The following EPHA7 variants were observed in gnomAD, a reference collection of about 807,000 sequenced individuals.
The protein encoded by EPHA7 is EPH receptor A7.
In EPHA7, 25 loss-of-function variants were observed where a neutral mutation model predicts 112.6. The ratio of observed to expected loss-of-function variants is 0.22; its 90% CI spans 0.16 to 0.31. EPHA7 has a LOEUF of 0.31. EPHA7 is among the 10% of genes least tolerant of loss of function. EPHA7 has a pLI of 1.00. For missense variants in EPHA7, 962 were observed against 1,212.6 expected, an observed-to-expected ratio of 0.79 and a Z score of 3.07; for synonymous variants, 437 against 406.5, an observed-to-expected ratio of 1.07 and a Z score of -0.90.
intron 5 of EPHA7, among the ~76,000 whole-genome samples, chr6:93,303,861 T>C (rs960681034): frequency 5.3e-5 from 8 of 152,126 alleles, no homozygotes; most frequent in Non-Finnish European, 1.0e-4. Flanking sequence ...CCTTTCTCCA[T>C]GAATTTTTCC....
At chr6:93,387,975 ATAGAATAG>A (rs1458057304) in intron 3 of EPHA7, among the ~76,000 whole-genome samples, 4 of 151,204 alleles carry the variant, frequency 2.6e-5, no homozygotes, top group Admixed American at 2.0e-4. Context: ...AGATAGATAG[ATAGAATAG>A]ATAGATAGAC....
chr6:93,387,923 A>G (rs948815216), intron 3 of EPHA7, among the ~76,000 whole-genome samples: 2 of 112,344 alleles, frequency 1.8e-5, no homozygotes, highest in African/African-American at 6.9e-5. Flanking sequence ...AGATAGATAG[A>G]CAGATAGATA....
chr6:93,385,872 G>A (rs1777576627), intron 3 of EPHA7, among the ~76,000 whole-genome samples: 2 of 152,162 alleles, frequency 1.3e-5, no homozygotes, highest in South Asian at 2.1e-4. Context: ...CATAATCATG[G>A]TGGAAGGGGA....
At chr6:93,294,884 T>G (rs1417098622) in intron 5 of EPHA7, among the ~76,000 whole-genome samples, 2 of 152,068 alleles carry the variant, frequency 1.3e-5, no homozygotes, top group Non-Finnish European at 2.9e-5. Context: ...ATCTGAAATA[T>G]GTAATAGTTA....
At chr6:93,266,405 A>T (rs999112388) in intron 7 of EPHA7, among the ~76,000 whole-genome samples, 1 of 151,696 alleles carries the variant, frequency 6.6e-6, no homozygotes, top group Non-Finnish European at 1.5e-5. Context: ...AACTCAGGTG[A>T]ATGATGAATC....
chr6:93,255,828 A>C lies in EPHA7; in HGVS notation c.2382T>G (p.Thr794=). Residue 794 remains threonine, a splice_region_variant and synonymous_variant, in exon 13 of 17, where the codon ACT becomes ACG. Coordinates refer to ENST00000369303, the MANE Select transcript of EPHA7 (RefSeq NM_004440.4). ...AGTGCAGTAAATGACTTTTTCTTAC[A>C]GTAGTTGTATAGACAGCTTCTGGAT... is the stretch of plus-strand genomic sequence containing the variant. The part of the protein sequence containing the change: ...EDDPEAVYTT[T]GGKIPVRWTA... 6.2e-7 allele frequency: 1 copy of C among 1,612,760 alleles called. No individual in the cohort carries two copies. Among genetic ancestry groups the C allele is most frequent in the Non-Finnish European group, 8.5e-7 (1 of 1,178,882 alleles).
intron 5 of EPHA7, among the ~76,000 whole-genome samples, chr6:93,300,157 T>C (rs1344451643): frequency 6.6e-6 from 1 of 152,148 alleles, no homozygotes; most frequent in African/African-American, 2.4e-5. Context: ...GTATAGTGAT[T>C]TAAACACAGA....
Position 93,255,929 on chromosome 6 carries a change from C to A in EPHA7, c.2281G>T (p.Ala761Ser). 6.2e-7 allele frequency: 1 copy of A among 1,614,052 alleles called. No individual in the cohort carries two copies. Among genetic ancestry groups the A allele is most frequent in the Non-Finnish European group, 8.5e-7 (1 of 1,179,984 alleles). The change falls in exon 13 of 17, where the codon GCT becomes TCT. Residue 761 changes from alanine to serine, a missense_variant. Ala to Ser is a moderately conservative substitution (Grantham distance 99). This residue lies in a region of EPHA7 where 746 missense variants were observed against 889.2 expected (regional missense o/e 0.84). Coordinates refer to ENST00000369303, the MANE Select transcript of EPHA7 (RefSeq NM_004440.4). Reference protein sequence around the residue: ...DMGYVHRDLAARNILVNSNLV... With the variant: ...DMGYVHRDLASRNILVNSNLV... ...TTGCTGTTGACAAGAATATTGCGAG[C>A]TGCAAGGTCCCTGTGAACATATCCC...
chr6:93,246,313 G>A (rs1267861808), intron 15 of EPHA7, among the ~76,000 whole-genome samples: 2 of 152,100 alleles, frequency 1.3e-5, no homozygotes, highest in East Asian at 3.9e-4. Flanking sequence ...GCCTCCCAAA[G>A]TGCTGGGATT....
intron 5 of EPHA7, among the ~76,000 whole-genome samples, chr6:93,303,466 A>T (rs959988212): frequency 1.3e-5 from 2 of 152,132 alleles, no homozygotes; most frequent in Non-Finnish European, 2.9e-5. Flanking sequence ...TGTTAATAGT[A>T]AGAAGTGCTA....
chr6:93,256,634 C>A (rs1461430192), intron 12 of EPHA7, among the ~76,000 whole-genome samples: 1 of 152,030 alleles, frequency 6.6e-6, no homozygotes, highest in African/African-American at 2.4e-5. Flanking sequence ...GGATTGAGAA[C>A]TGTTTGCAAC....
chr6:93,281,497 T>C (rs1407514638), intron 5 of EPHA7, among the ~76,000 whole-genome samples: 1 of 152,128 alleles, frequency 6.6e-6, no homozygotes, highest in East Asian at 1.9e-4. Flanking sequence ...TAGAAATGAT[T>C]TATCAGGAAG....
chr6:93,350,668 C>T (rs1375631187), intron 5 of EPHA7, among the ~76,000 whole-genome samples: 32 of 151,962 alleles, frequency 2.1e-4, no homozygotes, highest in Admixed American at 2.1e-3. Context: ...ACCCTGATGG[C>T]AGATTCTTTG....
At chr6:93,276,784 T>C (rs1359407149) in intron 5 of EPHA7, among the ~76,000 whole-genome samples, 1 of 152,076 alleles carries the variant, frequency 6.6e-6, no homozygotes. Context: ...ACACAATGTT[T>C]CACAGAAAAG....
chr6:93,406,754 C>G (rs557721387), intron 3 of EPHA7, among the ~76,000 whole-genome samples: 2 of 151,946 alleles, frequency 1.3e-5, no homozygotes, highest in African/African-American at 4.8e-5. Flanking sequence ...AAGCACTATT[C>G]TACTTTCTAA....
rs185899015 is a variant in EPHA7, at chr6:93,268,296, G to A, written c.1633+1181C>T. 7.2e-5 allele frequency among the ~76,000 whole-genome samples: 11 copies of A among 151,746 alleles called. No individual in the cohort carries two copies. The East Asian group carries it at 2.1e-3, about 30-fold the overall frequency. On this transcript the variant is annotated intron_variant, in intron 7 of 16. Transcript: ENST00000369303. ...ATTATTTGTGGCTATAAGAGTTACA[G>A]ATTTATTTTAAAATGTAACAAAATA...
At chr6:93,370,279 GT>G (rs893902265) in intron 3 of EPHA7, among the ~76,000 whole-genome samples, 1 of 152,014 alleles carries the variant, frequency 6.6e-6, no homozygotes, top group Non-Finnish European at 1.5e-5. Context: ...AAGAATAATA[GT>G]TTTTTCCTGC....
In EPHA7 at chr6:93,410,901, T is replaced by C. The variant is rs1778944582; in HGVS notation, c.432A>G (p.Val144=). 2.5e-6 allele frequency: 4 copies of C among 1,614,028 alleles called. No individual in the cohort carries two copies. The highest frequency in any genetic ancestry group is 3.4e-6 in the Non-Finnish European group (4 of 1,179,970). The part of the protein sequence containing the change: ...TGRNIRENLY[V]KIDTIAADES... The stretch of plus-strand genomic sequence containing the variant: ...CATCTGCAGCAATGGTGTCTATTTT[T>C]ACATAGAGGTTTTCTCTTATATTCC... The change falls in exon 3 of 17, where the codon GTA becomes GTG. Residue 144 remains valine (V), a synonymous_variant. Coordinates refer to ENST00000369303, the MANE Select transcript of EPHA7 (RefSeq NM_004440.4). This position sits in a 1 kb window ranked among gnomAD's most constrained non-coding sequence, Gnocchi z 4.0.
rs773765487 is a variant in EPHA7, at chr6:93,331,661, T to C, written c.1324+25056A>G. On this transcript the variant is annotated intron_variant, in intron 5 of 16. Transcript: ENST00000369303. ...GGACAAATTATTACTTTACATGAAA[T>C]ATACAAACAATTGAGGCAATGTTGC... Among the ~76,000 whole-genome samples, 93 of 151,738 alleles carry C rather than the reference T, an allele frequency of 6.1e-4. 1 individual carries two copies. The highest frequency in any genetic ancestry group is 3.4e-3 in the Admixed American group (51 of 15,174).
Sources: gnomAD v4.1 joint callset for allele counts (sites outside exome capture counted in the v4.1 genomes callset) on GRCh38, gnomAD v4.1.1 for gene constraint, gnomAD v4.1.1 regional missense constraint, Gnocchi (gnomAD v3.1) non-coding constraint, MANE v1.5 for transcripts, NCBI Gene and HGNC (gene_info 2026-07-23, HGNC 2026-07-21) for gene names.